PC: variants seen among roughly 807,000 people sequenced by gnomAD.
The protein encoded by PC is pyruvate carboxylase.
Under a neutral mutation model 107.8 loss-of-function variants are expected in PC, and 46 were observed. The observed-to-expected ratio is 0.43, with a 90% confidence interval of 0.34 to 0.55. The LOEUF is 0.55. Ranked by LOEUF, PC falls within the 20% of genes least tolerant of loss-of-function variation. PC has a pLI of 0.04. For synonymous variants in PC, 662 were observed against 684.7 expected, an observed-to-expected ratio of 0.97 and a Z score of 0.52; for missense variants, 1,241 against 1,643.1, an observed-to-expected ratio of 0.76 and a Z score of 4.23.
At chr11:66,859,005 G>C in intron 12 of PC, 1 of 1,525,862 alleles carries the variant, frequency 6.6e-7, no homozygotes, top group South Asian at 1.3e-5. Context: ...CTCAGGGCTG[G>C]TGAGCTGGGG....
intron 3 of PC, among the ~76,000 whole-genome samples, chr11:66,924,169 T>C (rs1948658594): frequency 7.0e-6 from 1 of 143,684 alleles, no homozygotes; most frequent in African/African-American, 2.6e-5. Context: ...GCCACTGTAC[T>C]CTAGCCTGGG....
intron 3 of PC, among the ~76,000 whole-genome samples, chr11:66,928,979 G>A (rs1948783709): frequency 6.6e-6 from 1 of 152,186 alleles, no homozygotes; most frequent in Non-Finnish European, 1.5e-5. Flanking sequence ...AAAAGGGCCT[G>A]TGTATGATTC....
intron 12 of PC, among the ~76,000 whole-genome samples, chr11:66,861,115 T>C (rs916744746): frequency 4.6e-5 from 7 of 152,200 alleles, no homozygotes; most frequent in Non-Finnish European, 1.0e-4. Flanking sequence ...GCTCTGGGCC[T>C]TCCTGGGAAG....
chr11:66,904,769 G>A lies in PC; in HGVS notation c.1-32610C>T, dbSNP rs78918573. ...CCTGGCCAAGTCTGGACCACAGGCT[G>A]CTGTGATTCTGTGGGAAGGGAACGG... On this transcript the variant is annotated intron_variant, in intron 3 of 22. Coordinates refer to ENST00000393960, the MANE Select transcript of PC (RefSeq NM_001040716.2). Among the ~76,000 whole-genome samples, 407 of 152,370 alleles carry A rather than the reference G, an allele frequency of 2.7e-3. 3 individuals are homozygous for A. Among genetic ancestry groups the A allele is most frequent in the African/African-American group, 9.3e-3 (386 of 41,584 alleles).
chr11:66,954,868 G>A (rs774534781), intron 1 of PC, among the ~76,000 whole-genome samples: 57 of 152,196 alleles, frequency 3.7e-4, no homozygotes, highest in African/African-American at 8.4e-4. Flanking sequence ...ACTTGAATCC[G>A]GGAGGCAGAG....
intron 12 of PC, chr11:66,860,212 T>C (rs1025184800): frequency 2.6e-6 from 4 of 1,541,452 alleles, no homozygotes; most frequent in African/African-American, 1.4e-5. Context: ...GGCAGCTTCC[T>C]GTGTGCTCCA....
rs373619068 is a variant in PC, at chr11:66,849,218, G to C, written c.3288+12C>G. ...AGCCCCACCGCCTGGCTGGCCCTGGGGGAGACAATACCTTCATGGCCTGGG... is the reference window on the plus strand; with the variant it reads ...AGCCCCACCGCCTGGCTGGCCCTGGCGGAGACAATACCTTCATGGCCTGGG... On this transcript the variant is annotated intron_variant, in intron 22 of 22. Transcript: ENST00000393960. The C allele has an allele frequency of 4.3e-6, 7 of 1,613,812 alleles. No individual in the cohort carries two copies. Among genetic ancestry groups the C allele is most frequent in the Non-Finnish European group, 5.9e-6 (7 of 1,180,036 alleles).
Position 66,848,602 on chromosome 11 carries a change from A to G in PC, c.*297T>C. ...TAGATCTCCCCTTCCCCCAGGAGAT[A>G]GGACCCCTAAACCTCCCCTGGGTCC... On this transcript the variant is annotated 3_prime_UTR_variant, in exon 23 of 23. Transcript: ENST00000393960. The G allele has an allele frequency of 1.7e-6, 1 of 600,050 alleles. No individual in the cohort carries two copies. Among genetic ancestry groups the G allele is most frequent in the Non-Finnish European group, 3.0e-6 (1 of 336,154 alleles). 37.2% of individuals were successfully genotyped at this position (600,050 alleles called of 1,614,324 possible). A position where few individuals can be genotyped will look rare whatever the true frequency, so the allele number is the denominator to read the frequency against.
chr11:66,913,472 C>A lies in PC; in HGVS notation c.-1+38958G>T, dbSNP rs189425690. ...GGCTGAGGTGGGCGGAACACAAGGT[C>A]AGGAGTTTGAGACCAGCCTGACCAA... On this transcript the variant is annotated intron_variant, in intron 3 of 22. Transcript: ENST00000393960. Among the ~76,000 whole-genome samples the A allele has an allele frequency of 1.2e-3, 178 of 151,668 alleles. 1 individual carries two copies. Among genetic ancestry groups the A allele is most frequent in the African/African-American group, 4.2e-3 (173 of 41,314 alleles).
At chr11:66,942,173 C>T (rs1476514080) in intron 3 of PC, among the ~76,000 whole-genome samples, 1 of 149,858 alleles carries the variant, frequency 6.7e-6, no homozygotes, top group African/African-American at 2.5e-5. Flanking sequence ...CCGAGGTGGA[C>T]GGATCACGAA....
intron 1 of PC, among the ~76,000 whole-genome samples, chr11:66,956,437 T>C (rs995630391): frequency 2.0e-5 from 3 of 151,886 alleles, no homozygotes; most frequent in Non-Finnish European, 4.4e-5. Flanking sequence ...ATACAAAAAA[T>C]AGCCAGGTGT....
chr11:66,902,507 A>ACGT (rs925754010), intron 3 of PC, among the ~76,000 whole-genome samples: 6 of 152,172 alleles, frequency 3.9e-5, no homozygotes, highest in African/African-American at 7.2e-5. Flanking sequence ...GCTCAAAGCC[A>ACGT]CGTAGACCCC....
intron 10 of PC, among the ~76,000 whole-genome samples, chr11:66,867,730 C>T (rs1420801211): frequency 6.6e-6 from 1 of 152,248 alleles, no homozygotes; most frequent in Non-Finnish European, 1.5e-5. Context: ...ACTCCCATCC[C>T]TAACAGGACG....
intron 3 of PC, among the ~76,000 whole-genome samples, chr11:66,919,190 T>A (rs1948535116): frequency 6.6e-6 from 1 of 151,902 alleles, no homozygotes; most frequent in African/African-American, 2.4e-5. Flanking sequence ...CCAAGGGAGG[T>A]GCATCACTTG....
At chr11:66,850,522 A>AG (rs1945416300) in intron 18 of PC, 58 bp from the exon 19 acceptor site, 2 of 1,611,728 alleles carry the variant, frequency 1.2e-6, no homozygotes, top group South Asian at 2.2e-5. Flanking sequence ...TCCAGGACCC[A>AG]GGGCTAGCTC....
chr11:66,956,315 T>TG (rs1810662660), intron 1 of PC, among the ~76,000 whole-genome samples: 1 of 151,980 alleles, frequency 6.6e-6, no homozygotes, highest in African/African-American at 2.4e-5. Flanking sequence ...CCAGGCATGA[T>TG]GGCTCATGCC....
intron 12 of PC, among the ~76,000 whole-genome samples, chr11:66,862,656 G>A (rs753266931): frequency 2.0e-5 from 3 of 152,368 alleles, no homozygotes; most frequent in South Asian, 2.1e-4. Context: ...TGGCTCCCAC[G>A]GGACACGTGC....
At position 66,857,068 on chromosome 11, in the gene PC, G is replaced by GCGCGCACCCGCTCGCCTGTCGCCGC. The variant is rs1945896395; in HGVS notation, c.1369-3710_1369-3686dup. 1 of 146,954 alleles carries GCGCGCACCCGCTCGCCTGTCGCCGC rather than the reference G, an allele frequency of 6.8e-6. No individual in the cohort carries two copies. Among genetic ancestry groups the GCGCGCACCCGCTCGCCTGTCGCCGC allele is most frequent in the Non-Finnish European group, 1.5e-5 (1 of 65,988 alleles). The allele number at this position is 146,954 out of a possible 1,614,324, so 9.1% of individuals were successfully genotyped here. A position where few individuals can be genotyped will look rare whatever the true frequency, so the allele number is the denominator to read the frequency against. ...GTGTCCGCGGCGCGCGCGCCCGCCGGCGCGCACCCGCTCGCCTGTCGCCGC... is the reference window on the plus strand; with the variant it reads ...GTGTCCGCGGCGCGCGCGCCCGCCGGCGCGCACCCGCTCGCCTGTCGCCGCCGCGCACCCGCTCGCCTGTCGCCGC... On this transcript the variant is annotated intron_variant, in intron 12 of 22. Transcript: ENST00000393960. This position sits in a 1 kb window ranked among gnomAD's most constrained non-coding sequence, Gnocchi z 7.1.
chr11:66,865,985 C>T (rs942514321), intron 11 of PC, among the ~76,000 whole-genome samples: 4 of 152,172 alleles, frequency 2.6e-5, no homozygotes, highest in Non-Finnish European at 4.4e-5. Flanking sequence ...CTGACCTGGG[C>T]GCCCAGCAGT....
Sources: allele counts gnomAD v4.1 joint callset (sites outside exome capture counted in the v4.1 genomes callset), GRCh38; gene constraint gnomAD v4.1.1; non-coding constraint Gnocchi (gnomAD v3.1); transcripts MANE v1.5; gene names NCBI Gene and HGNC (gene_info 2026-07-23, HGNC 2026-07-21).